Variants in PTK2 observed in about 807,000 individuals in gnomAD.
The protein encoded by PTK2 is focal adhesion kinase 1.
A neutral mutation model predicts 150.1 loss-of-function variants in PTK2; 45 were observed. That is an observed-to-expected ratio of 0.30 (90% CI 0.24 to 0.38). PTK2 has a LOEUF of 0.38. PTK2 is among the 10% of genes least tolerant of loss of function. The pLI is 1.00. For missense variants in PTK2, 919 were observed against 1,307.3 expected, an observed-to-expected ratio of 0.70 and a Z score of 4.58; for synonymous variants, 432 against 449.2, an observed-to-expected ratio of 0.96 and a Z score of 0.48.
chr8:140,818,909 C>T (rs374480150), exon 9 of PTK2: 1 of 1,613,524 alleles, frequency 6.2e-7, no homozygotes, highest in Non-Finnish European at 8.5e-7. Flanking sequence ...CATTCCTTAT[C>T]AAATCTGTAG....
rs749881395 is a variant in PTK2, at chr8:140,879,423, G to GC, written c.362+47dup. The GC allele has an allele frequency of 4.6e-6, 7 of 1,507,398 alleles. No homozygotes were observed. The African/African-American group carries it at 9.9e-5, about 21-fold the overall frequency. The allele number at this position is 1,507,398 out of a possible 1,614,324, so 93.4% of individuals were successfully genotyped here. The stretch of plus-strand genomic sequence containing the variant: ...GTTATCTTGTGCATGTTTTTAAAAA[G>GC]CAAAAGAAATCAAGTGTGCATCACA... On this transcript the variant is annotated intron_variant, in intron 4 of 31. Coordinates refer to ENST00000522684, the Ensembl canonical transcript of PTK2.
intron 4 of PTK2, among the ~76,000 whole-genome samples, chr8:140,866,226 T>C (rs1192513443): frequency 6.6e-6 from 1 of 152,186 alleles, no homozygotes; most frequent in African/African-American, 2.4e-5. Flanking sequence ...CAAGGAGGCT[T>C]TTGGTATTAA....
chr8:140,837,406 T>G (rs2100119351), intron 7 of PTK2, among the ~76,000 whole-genome samples: 1 of 152,208 alleles, frequency 6.6e-6, no homozygotes, highest in African/African-American at 2.4e-5. Flanking sequence ...TATGCCTTAG[T>G]GGTAGTAGTA....
intron 23 of PTK2, among the ~76,000 whole-genome samples, chr8:140,717,116 A>T (rs1297702575): frequency 6.6e-6 from 1 of 152,222 alleles, no homozygotes; most frequent in South Asian, 2.1e-4. Flanking sequence ...CTTTCCCAAC[A>T]AACAACCCAG....
intron 1 of PTK2, among the ~76,000 whole-genome samples, chr8:140,980,346 G>A (rs555625998): frequency 3.3e-5 from 5 of 152,212 alleles, no homozygotes; most frequent in African/African-American, 9.7e-5. Flanking sequence ...GGCCGGGCAC[G>A]GTGGCTCACG....
At chr8:140,989,212 T>TAAAAAAAAA (rs71310816) in intron 1 of PTK2, among the ~76,000 whole-genome samples, 9 of 60,578 alleles carry the variant, frequency 1.5e-4, no homozygotes, top group Admixed American at 2.7e-4. Context: ...ACCCTGTCTC[T>TAAAAAAAAA]AAAAAAAAAA....
At chr8:140,849,814 T>C (rs1265341877) in intron 5 of PTK2, among the ~76,000 whole-genome samples, 1 of 152,256 alleles carries the variant, frequency 6.6e-6, no homozygotes, top group Non-Finnish European at 1.5e-5. Flanking sequence ...TAACTTCGTG[T>C]TGAACACGTA....
At chr8:140,813,751 T>C (rs1002928688) in intron 10 of PTK2, among the ~76,000 whole-genome samples, 2 of 29,766 alleles carry the variant, frequency 6.7e-5, no homozygotes, top group African/African-American at 1.1e-3. Context: ...AACCCCAAAC[T>C]AGAAGAAGAG....
chr8:140,686,686 A>G (rs377689571), exon 27 of PTK2: 1 of 1,613,464 alleles, frequency 6.2e-7, no homozygotes, highest in Non-Finnish European at 8.5e-7. Flanking sequence ...AGAGTCTCAC[A>G]TCAGGTTTCT....
At chr8:140,965,498 C>T (rs1446837866) in intron 1 of PTK2, among the ~76,000 whole-genome samples, 1 of 152,118 alleles carries the variant, frequency 6.6e-6, no homozygotes, top group African/African-American at 2.4e-5. Flanking sequence ...ATGACCCTAC[C>T]CCAAAGGAAT....
chr8:140,865,123 T>C (rs2100138536), intron 4 of PTK2, among the ~76,000 whole-genome samples: 1 of 152,266 alleles, frequency 6.6e-6, no homozygotes, highest in Non-Finnish European at 1.5e-5. Flanking sequence ...CATACTGTGA[T>C]AGTGCATGGT....
At chr8:140,913,040 G>A (rs1056211219) in intron 2 of PTK2, among the ~76,000 whole-genome samples, 2 of 152,118 alleles carry the variant, frequency 1.3e-5, no homozygotes, top group African/African-American at 2.4e-5. Flanking sequence ...CCCTAAGGGG[G>A]AAAAAAGGGG....
At chr8:140,906,104 T>C (rs2100160765) in intron 2 of PTK2, among the ~76,000 whole-genome samples, 1 of 150,608 alleles carries the variant, frequency 6.6e-6, no homozygotes, top group South Asian at 2.1e-4. Flanking sequence ...GGCCAATAGG[T>C]ATATGGAAAA....
chr8:140,847,223 A>T (rs4327896), intron 5 of PTK2, among the ~76,000 whole-genome samples: 2 of 152,144 alleles, frequency 1.3e-5, no homozygotes, highest in Admixed American at 6.5e-5. Flanking sequence ...GAAAAGGCAA[A>T]GGATTTACGT....
At chr8:140,848,982 T>G (rs1412642612) in intron 5 of PTK2, among the ~76,000 whole-genome samples, 1 of 152,080 alleles carries the variant, frequency 6.6e-6, no homozygotes, top group East Asian at 1.9e-4. Flanking sequence ...GAAAAAATAA[T>G]CAAATGCTAT....
At chr8:140,925,411 C>T (rs1237464320) in intron 2 of PTK2, among the ~76,000 whole-genome samples, 4 of 152,300 alleles carry the variant, frequency 2.6e-5, no homozygotes, top group Admixed American at 2.6e-4. Context: ...TCATACTGCG[C>T]TCATTTCCAG....
Position 140,686,846 on chromosome 8 carries a change from T to C in PTK2, c.2500-152A>G, listed in dbSNP as rs73714729. The C allele has an allele frequency of 0.012, 8,325 of 676,978 alleles. 517 individuals are homozygous for C. The African/African-American group carries it at 0.13, about 11-fold the overall frequency. 41.9% of individuals were successfully genotyped at this position (676,978 alleles called of 1,614,324 possible). ...CGTTTCAAAAAAATTCCAGTGATGATAAATGAAGGTTGGCTGCCTTGGGAA... is the reference window on the plus strand; with the variant it reads ...CGTTTCAAAAAAATTCCAGTGATGACAAATGAAGGTTGGCTGCCTTGGGAA... On this transcript the variant is annotated intron_variant, in intron 26 of 31. Transcript: ENST00000522684.
intron 23 of PTK2, among the ~76,000 whole-genome samples, chr8:140,716,899 T>C (rs1219926209): frequency 6.6e-6 from 1 of 152,164 alleles, no homozygotes. Context: ...GCCAATGGTA[T>C]ATAAAGACTT....
chr8:140,960,399 G>A (rs912219727), intron 1 of PTK2, among the ~76,000 whole-genome samples: 10 of 151,740 alleles, frequency 6.6e-5, no homozygotes, highest in South Asian at 4.2e-4. Context: ...TAGTAGAGAC[G>A]GGGTTTCACC....
Sources: gnomAD v4.1 joint callset for allele counts (sites outside exome capture counted in the v4.1 genomes callset) on GRCh38, gnomAD v4.1.1 for gene constraint, MANE v1.5 for transcripts, NCBI Gene and HGNC (gene_info 2026-07-23, HGNC 2026-07-21) for gene names.